STIL: variants seen among roughly 807,000 people sequenced by gnomAD.
STIL encodes STIL centriolar assembly protein.
A neutral mutation model predicts 110.1 loss-of-function variants in STIL; 55 were observed. That is an observed-to-expected ratio of 0.50 (90% CI 0.40 to 0.63). The LOEUF (loss-of-function observed/expected upper bound fraction) is 0.63, where lower values mean the gene tolerates loss of function less well. STIL is among the 20% of genes least tolerant of loss of function. The pLI is 0.00. For synonymous variants in STIL, 481 were observed against 530.0 expected (o/e 0.91, Z 1.27); for missense variants, 1,358 against 1,530.0 (o/e 0.89, Z 1.87).
At chr1:47,278,441 TATA>T (rs1645052703) in intron 12 of STIL, among the ~76,000 whole-genome samples, 1 of 152,246 alleles carries the variant, frequency 6.6e-6, no homozygotes, top group Non-Finnish European at 1.5e-5. Flanking sequence ...ATTTTCTAAA[TATA>T]ATGATTCAGA....
intron 5 of STIL, 50 bp downstream of exon 5, chr1:47,301,511 T>C: frequency 2.0e-6 from 3 of 1,508,712 alleles, no homozygotes; most frequent in African/African-American, 1.4e-5. Flanking sequence ...ATACTAAACA[T>C]AGTTTGATTC....
At chr1:47,304,454 T>G (rs929851473) in intron 3 of STIL, among the ~76,000 whole-genome samples, 1 of 152,240 alleles carries the variant, frequency 6.6e-6, no homozygotes, top group Admixed American at 6.5e-5. Flanking sequence ...GTAACTCTTA[T>G]GTACAAAACC....
chr1:47,302,265 G>A lies in STIL; in HGVS notation c.234C>T (p.Cys78=). 1.2e-6 allele frequency: 2 copies of A among 1,613,898 alleles called. No homozygotes were observed. The highest frequency in any genetic ancestry group is 2.2e-5 in the East Asian group (1 of 44,876). ...CTGCTGTCAGAGAACCAAGTAAAAA[G>A]CATGACGAATTTTTTTTATTCTGCT... ...HAKQNKKNSS[C]FLLGSLTADE... The change falls in exon 4 of 17, where the codon TGC becomes TGT. Residue 78 remains cysteine (C), a synonymous_variant. Transcript: ENST00000371877.
intron 14 of STIL, among the ~76,000 whole-genome samples, chr1:47,264,211 G>A (rs540023272): frequency 6.6e-6 from 1 of 152,346 alleles, no homozygotes; most frequent in Admixed American, 6.5e-5. Context: ...ACAAGGAAGA[G>A]GCATCAACTA....
intron 7 of STIL, among the ~76,000 whole-genome samples, chr1:47,293,942 T>C (rs1196190120): frequency 1.3e-5 from 2 of 152,200 alleles, no homozygotes; most frequent in Admixed American, 6.5e-5. Context: ...CTAAAACTAC[T>C]TCACAGAGTT....
At chr1:47,252,396 A>C (rs1644210084) in intron 16 of STIL, among the ~76,000 whole-genome samples, 1 of 152,200 alleles carries the variant, frequency 6.6e-6, no homozygotes. Flanking sequence ...AAAAGAAAAA[A>C]TAAAGAAAAA....
intron 5 of STIL, 120 bp from the exon 6 acceptor site, chr1:47,300,272 TTC>T (rs1645765792): frequency 9.9e-7 from 1 of 1,006,956 alleles, no homozygotes; most frequent in Non-Finnish European, 1.4e-6. Context: ...ATTAAATGAG[TTC>T]TGATTTACAG....
intron 16 of STIL, among the ~76,000 whole-genome samples, chr1:47,255,542 C>T (rs1644304046): frequency 9.4e-6 from 1 of 106,098 alleles, no homozygotes; most frequent in Admixed American, 1.2e-4. Flanking sequence ...GAGCGAGACC[C>T]TGTCTCTCAA....
intron 6 of STIL, among the ~76,000 whole-genome samples, chr1:47,299,346 C>A (rs1299560719): frequency 2.0e-5 from 3 of 149,846 alleles, no homozygotes; most frequent in African/African-American, 7.4e-5. Flanking sequence ...GACACCATCT[C>A]AAAAAAAGAA....
At position 47,289,517 on chromosome 1, in the gene STIL, T is replaced by C. The variant is rs2149070272; in HGVS notation, c.941A>G (p.Tyr314Cys). Reference protein sequence around the residue: ...YSMTHKEPEFYECFPCDGKIP... With the variant: ...YSMTHKEPEFCECFPCDGKIP... ...CTTGCCATCACAAGGGAAGCATTCA[T>C]AAAACTCAGGTTCCTTATGTGTCAT... Residue 314 changes from tyrosine to cysteine, a missense_variant, in exon 9 of 17, where the codon TAT (tyrosine) becomes TGT (cysteine). By Grantham distance (194) the Tyr-to-Cys change is radical. Coordinates refer to ENST00000371877, the MANE Select transcript of STIL (RefSeq NM_001048166.1). 6.2e-7 allele frequency: 1 copy of C among 1,613,922 alleles called. No homozygotes were observed.
At chr1:47,290,140 G>A (rs1645438697) in intron 8 of STIL, among the ~76,000 whole-genome samples, 1 of 152,002 alleles carries the variant, frequency 6.6e-6, no homozygotes, top group Non-Finnish European at 1.5e-5. Flanking sequence ...AAAACAAAAT[G>A]TTAAAAGTAG....
At chr1:47,258,448 G>A (rs1644383824) in intron 16 of STIL, among the ~76,000 whole-genome samples, 1 of 152,092 alleles carries the variant, frequency 6.6e-6, no homozygotes, top group African/African-American at 2.4e-5. Context: ...TAGAGCACTG[G>A]GGTTCAATAT....
intron 3 of STIL, among the ~76,000 whole-genome samples, chr1:47,303,928 T>C (rs77781644): frequency 0.011 from 1,651 of 152,328 alleles, 15 homozygotes; most frequent in African/African-American, 0.022. Flanking sequence ...GTCCTTATAA[T>C]GTATAATAGA....
intron 16 of STIL, among the ~76,000 whole-genome samples, chr1:47,255,759 G>C (rs536539585): frequency 2.0e-5 from 3 of 152,072 alleles, no homozygotes; most frequent in African/African-American, 7.2e-5. Context: ...TCCAGACCTC[G>C]AACCCACAAT....
chr1:47,277,621 A>G lies in STIL; in HGVS notation c.2217+2620T>C, dbSNP rs549641560. Among the ~76,000 whole-genome samples, 3 of 152,318 alleles carry G rather than the reference A, an allele frequency of 2.0e-5. No homozygotes were observed. In the South Asian group the frequency reaches 6.2e-4, roughly 32 times the overall value. On this transcript the variant is annotated intron_variant, in intron 12 of 16. Transcript: ENST00000371877. ...AGTAAAGAGTAGTTAAGTTCAGTATATATCTACAAAGCAGAGCCTGGGTTT... is the reference window on the plus strand; with the variant it reads ...AGTAAAGAGTAGTTAAGTTCAGTATGTATCTACAAAGCAGAGCCTGGGTTT...
chr1:47,289,656 A>C, intron 8 of STIL, 71 bp from the exon 9 acceptor site: 1 of 1,411,564 alleles, frequency 7.1e-7, no homozygotes, highest in Non-Finnish European at 1.0e-6. Context: ...ACTTCATGTG[A>C]GTCTCCCAAT....
intron 16 of STIL, among the ~76,000 whole-genome samples, chr1:47,255,527 C>T (rs370708456): frequency 5.3e-4 from 66 of 123,778 alleles, no homozygotes; most frequent in Admixed American, 2.3e-3. Context: ...GCAGCCTGGG[C>T]AACAGAGCGA....
chr1:47,265,250 A>AAAC lies in STIL; in HGVS notation c.2616-2135_2616-2134insGTT, dbSNP rs1553170562. Among the ~76,000 whole-genome samples the AAAC allele has an allele frequency of 2.3e-3, 342 of 148,698 alleles. 6 individuals are homozygous for AAAC. The highest frequency in any genetic ancestry group is 7.7e-3 in the African/African-American group (315 of 40,952). ...CACTCCATCTCCCAAAAAAAAAAAAAAAAAAAAAAACACAAGATTGGATAT... is the reference window on the plus strand; with the variant it reads ...CACTCCATCTCCCAAAAAAAAAAAAAAACAAAAAAAAAACACAAGATTGGATAT... On this transcript the variant is annotated intron_variant, in intron 14 of 16. Transcript: ENST00000371877.
chr1:47,260,801 G>A (rs1644463587), intron 15 of STIL, among the ~76,000 whole-genome samples: 1 of 152,196 alleles, frequency 6.6e-6, no homozygotes, highest in Non-Finnish European at 1.5e-5. Flanking sequence ...CCACGAGGCT[G>A]AGGCTGCAGT....
Sources: allele counts gnomAD v4.1 joint callset (sites outside exome capture counted in the v4.1 genomes callset), GRCh38; gene constraint gnomAD v4.1.1; transcripts MANE v1.5; gene names NCBI Gene and HGNC (gene_info 2026-07-23, HGNC 2026-07-21).